PTPN9: variants seen among roughly 807,000 people sequenced by gnomAD.
PTPN9 encodes the protein tyrosine-protein phosphatase non-receptor type 9.
PTPN9 carries 26 observed loss-of-function variants against 69.8 expected under a neutral mutation model. That is an observed-to-expected ratio of 0.37 (90% CI 0.27 to 0.52). The LOEUF is 0.52. Among genes scored for constraint, PTPN9 ranks in the 20% least tolerant of loss-of-function variants. The pLI, the probability that PTPN9 is intolerant of heterozygous loss-of-function variation, is 0.91. For missense variants in PTPN9, 549 were observed against 740.3 expected (o/e 0.74, Z 3.00); for synonymous variants, 274 against 272.5 (o/e 1.01, Z -0.05).
chr15:75,516,279 G>A (rs966398895), intron 5 of PTPN9, among the ~76,000 whole-genome samples: 29 of 151,286 alleles, frequency 1.9e-4, no homozygotes, highest in African/African-American at 6.3e-4. Flanking sequence ...CCAAGTCTAA[G>A]CAGGAAATTT....
intron 6 of PTPN9, among the ~76,000 whole-genome samples, chr15:75,507,597 C>G (rs1213868123): frequency 6.6e-6 from 1 of 151,618 alleles, no homozygotes; most frequent in Non-Finnish European, 1.5e-5. Context: ...GAAACTCCGT[C>G]TCTACTAAAA....
chr15:75,540,389 C>T (rs868542454), intron 1 of PTPN9, among the ~76,000 whole-genome samples: 14 of 151,836 alleles, frequency 9.2e-5, no homozygotes, highest in African/African-American at 3.4e-4. Flanking sequence ...TCTGTCTCTA[C>T]TAAAAATACA....
intron 1 of PTPN9, among the ~76,000 whole-genome samples, chr15:75,539,834 G>A (rs1308356025): frequency 3.3e-3 from 1 of 304 alleles, no homozygotes; most frequent in Non-Finnish European, 7.9e-3. Flanking sequence ...ACCACGCCAG[G>A]CTAACTTTGT....
intron 5 of PTPN9, among the ~76,000 whole-genome samples, chr15:75,516,470 ATT>A (rs1158957160): frequency 4.3e-5 from 6 of 139,944 alleles, no homozygotes; most frequent in Admixed American, 1.4e-4. Context: ...GGCCCGGCTA[ATT>A]TTTTTTTTTT....
At chr15:75,540,907 G>A (rs1595965571) in intron 1 of PTPN9, among the ~76,000 whole-genome samples, 1 of 151,118 alleles carries the variant, frequency 6.6e-6, no homozygotes, top group Admixed American at 6.6e-5. Context: ...GGGAAACCTC[G>A]TCTCTAAAAA....
At chr15:75,505,051 G>C (rs962107705) in intron 7 of PTPN9, among the ~76,000 whole-genome samples, 1 of 152,202 alleles carries the variant, frequency 6.6e-6, no homozygotes, top group Non-Finnish European at 1.5e-5. Flanking sequence ...TTGAGAAATC[G>C]GATGGTTGCC....
intron 4 of PTPN9, among the ~76,000 whole-genome samples, chr15:75,517,879 C>T (rs1315358498): frequency 5.3e-5 from 8 of 151,144 alleles, no homozygotes; most frequent in African/African-American, 2.0e-4. Flanking sequence ...CCAACAATCC[C>T]TAGCACAGCC....
At chr15:75,486,000 T>C (rs2074674020) in intron 8 of PTPN9, among the ~76,000 whole-genome samples, 1 of 148,112 alleles carries the variant, frequency 6.8e-6, no homozygotes, top group Non-Finnish European at 1.5e-5. Context: ...CCTGGGAGGC[T>C]GAGGCAGGAG....
intron 1 of PTPN9, among the ~76,000 whole-genome samples, chr15:75,558,880 A>G (rs1007442211): frequency 1.3e-5 from 2 of 152,010 alleles, no homozygotes; most frequent in Non-Finnish European, 2.9e-5. Context: ...GGCTCGCTAC[A>G]ACCTCCACCT....
chr15:75,491,127 G>A (rs985868251), intron 7 of PTPN9, among the ~76,000 whole-genome samples: 14 of 151,968 alleles, frequency 9.2e-5, no homozygotes, highest in African/African-American at 3.4e-4. Flanking sequence ...GAGAAGCTGG[G>A]TGTGGTGGCT....
intron 1 of PTPN9, among the ~76,000 whole-genome samples, chr15:75,536,071 A>C (rs1333905795): frequency 6.6e-6 from 1 of 152,238 alleles, no homozygotes; most frequent in Non-Finnish European, 1.5e-5. Flanking sequence ...AGTTTTAAGT[A>C]TATTTTCTGA....
At chr15:75,484,849 C>T (rs926631300) in intron 8 of PTPN9, among the ~76,000 whole-genome samples, 19 of 152,172 alleles carry the variant, frequency 1.2e-4, no homozygotes, top group Admixed American at 1.2e-3. Flanking sequence ...CTGTCAGTAT[C>T]CCATAGCTAA....
intron 1 of PTPN9, among the ~76,000 whole-genome samples, chr15:75,538,732 A>G (rs2074995997): frequency 1.3e-5 from 2 of 152,174 alleles, no homozygotes; most frequent in Admixed American, 6.6e-5. Flanking sequence ...TTCAGAAACC[A>G]CACAGTGTAT....
chr15:75,483,547 A>G (rs1378569197), intron 8 of PTPN9, among the ~76,000 whole-genome samples: 1 of 152,238 alleles, frequency 6.6e-6, no homozygotes, highest in East Asian at 1.9e-4. Flanking sequence ...AGAGTGGGTT[A>G]GAGGGAAATA....
chr15:75,558,959 G>A (rs979495727), intron 1 of PTPN9, among the ~76,000 whole-genome samples: 1 of 152,148 alleles, frequency 6.6e-6, no homozygotes, highest in African/African-American at 2.4e-5. Context: ...ACCCCGTCTG[G>A]GAAGTGAGGA....
chr15:75,527,229 C>A lies in PTPN9; in HGVS notation c.96G>T (p.Lys32Asn). 6.2e-7 allele frequency: 1 copy of A among 1,614,150 alleles called. No individual in the cohort carries two copies. The highest frequency in any genetic ancestry group is 8.5e-7 in the Non-Finnish European group (1 of 1,180,014). The change falls in exon 2 of 13, where the codon AAG becomes AAT. Residue 32 changes from lysine to asparagine, a missense_variant. Physicochemically the swap from Lys to Asn is moderately conservative, Grantham distance 94. This residue lies in a region of PTPN9 where 62 missense variants were observed against 53.6 expected (regional missense o/e 1.16). Coordinates refer to ENST00000618819, the MANE Select transcript of PTPN9 (RefSeq NM_002833.4). Reference protein sequence around the residue: ...ATKQFLEEINKWTVQYNVSPL... With the variant: ...ATKQFLEEINNWTVQYNVSPL... ...GGGAAACATTGTACTGAACTGTCCA[C>A]TTGTTAATCTCTTCGAGAAACTGCT...
intron 3 of PTPN9, 80 bp downstream of exon 3, chr15:75,524,129 A>C (rs539512753): frequency 3.9e-5 from 26 of 661,382 alleles, no homozygotes; most frequent in East Asian, 6.2e-5. Flanking sequence ...AAAAAAAAAA[A>C]AAAAAAACAA....
intron 7 of PTPN9, among the ~76,000 whole-genome samples, chr15:75,491,054 C>T (rs375534033): frequency 1.4e-4 from 21 of 152,092 alleles, no homozygotes; most frequent in African/African-American, 4.6e-4. Context: ...GGCTGCAGTG[C>T]GCTATGACAG....
At chr15:75,554,474 G>A (rs1023726456) in intron 1 of PTPN9, among the ~76,000 whole-genome samples, 1 of 151,882 alleles carries the variant, frequency 6.6e-6, no homozygotes, top group Admixed American at 6.6e-5. Context: ...AATTACAGGC[G>A]TGAGCCACCA....
Sources: gnomAD v4.1 joint callset for allele counts (sites outside exome capture counted in the v4.1 genomes callset) on GRCh38, gnomAD v4.1.1 for gene constraint, gnomAD v4.1.1 regional missense constraint, MANE v1.5 for transcripts, NCBI Gene and HGNC (gene_info 2026-07-23, HGNC 2026-07-21) for gene names.